Variants in COL4A6 observed in about 807,000 individuals in gnomAD.
The protein encoded by COL4A6 is collagen alpha-6(IV) chain.
Under a neutral mutation model 126.7 loss-of-function variants are expected in COL4A6, and 59 were observed. That is an observed-to-expected ratio of 0.47 (90% CI 0.38 to 0.58). COL4A6 has a LOEUF of 0.58. Ranked by LOEUF, COL4A6 falls within the 20% of genes least tolerant of loss-of-function variation. The pLI is 0.00. For missense variants in COL4A6, 1,285 were observed against 1,337.3 expected (o/e 0.96, Z 0.61); for synonymous variants, 547 against 496.6 (o/e 1.10, Z -1.35).
At position 108,174,571 on chromosome X, in the gene COL4A6, G is replaced by A. The variant is rs769940629; in HGVS notation, c.3007C>T (p.Pro1003Ser). The change falls in exon 31 of 45, where the codon CCT becomes TCT. Residue 1003 changes from proline to serine, a missense_variant. By Grantham distance (74) the Pro-to-Ser change is moderately conservative (BLOSUM62 -1). Transcript: ENST00000334504. ...CCTTTGATAATGCCTGGGAGGCCAG[G>A]AGCTCCAGGTAGGCCTGGTGGTCCA... is the stretch of plus-strand genomic sequence containing the variant. ...RPGPPGLPGA[P>S]GLPGIIKGVS... 2.5e-6 allele frequency: 3 copies of A among 1,204,756 alleles called. No homozygotes were observed. In the Admixed American group the frequency reaches 6.7e-5, roughly 27 times the overall value.
At chrX:108,383,408 T>C (rs550085822) in intron 2 of COL4A6, 1 of 487,883 alleles carries the variant, frequency 2.0e-6, no homozygotes, top group East Asian at 4.1e-5. Flanking sequence ...TCAAGCAGCA[T>C]CCTCAACCCT....
In COL4A6 at chrX:108,162,987, A is replaced by T. The variant is rs754772713; in HGVS notation, c.4121T>A (p.Val1374Asp). 1 of 1,201,379 alleles carries T rather than the reference A, an allele frequency of 8.3e-7. No individual in the cohort carries two copies. Among genetic ancestry groups the T allele is most frequent in the Non-Finnish European group, 1.1e-6 (1 of 891,350 alleles). The change falls in exon 41 of 45, where the codon GTC becomes GAC. Residue 1374 changes from valine (V) to aspartate (D), a missense_variant. By Grantham distance (152) the Val-to-Asp change is radical (BLOSUM62 -3). Transcript: ENST00000334504. ...DPGQTPTAEA[V>D]QVPPGPLGLP... The stretch of plus-strand genomic sequence containing the variant: ...ACCCAAGGGTCCAGGAGGAACCTGG[A>T]CAGCTTCTGCAGTTGGTGTTTGTCC...
intron 3 of COL4A6, among the ~76,000 whole-genome samples, chrX:108,297,402 G>A (rs780212051): frequency 1.8e-5 from 2 of 110,994 alleles, no homozygotes; most frequent in Admixed American, 1.9e-4. Context: ...TGACATGTTG[G>A]GCTGGATAAT....
chrX:108,172,365 G>GAA (rs397935341), intron 32 of COL4A6, 104 bp downstream of exon 32: 4,363 of 105,701 alleles, frequency 0.041, 19 homozygotes, highest in Middle Eastern at 0.05. Flanking sequence ...GCCTAAAAAA[G>GAA]AAAAAAAAAA....
chrX:108,280,471 A>G (rs1430418778), intron 3 of COL4A6, among the ~76,000 whole-genome samples: 9 of 112,094 alleles, frequency 8.0e-5, no homozygotes, highest in Non-Finnish European at 1.1e-4. Context: ...GAATAGACCA[A>G]TAACAGGCTC....
chrX:108,291,840 T>C (rs2038169647), intron 3 of COL4A6, among the ~76,000 whole-genome samples: 1 of 111,993 alleles, frequency 8.9e-6, no homozygotes, highest in Non-Finnish European at 1.9e-5. Context: ...TTAGATTACC[T>C]TGGAGAGCAC....
intron 2 of COL4A6, among the ~76,000 whole-genome samples, chrX:108,426,913 CA>C (rs749250726): frequency 1.4e-4 from 16 of 111,765 alleles, no homozygotes; most frequent in South Asian, 1.1e-3. Context: ...GAGAAAAAAT[CA>C]GGAAATGGAC....
intron 2 of COL4A6, among the ~76,000 whole-genome samples, chrX:108,385,168 C>T (rs754652412): frequency 2.8e-5 from 3 of 108,968 alleles, no homozygotes; most frequent in Non-Finnish European, 3.8e-5. Flanking sequence ...AGTTTTCCAA[C>T]TAAGTTTTGC....
Position 108,164,660 on chromosome X carries a change from T to G in COL4A6, c.4009A>C (p.Lys1337Gln). 2 of 1,211,591 alleles carry G rather than the reference T, an allele frequency of 1.7e-6. No homozygotes were observed. The highest frequency in any genetic ancestry group is 2.2e-6 in the Non-Finnish European group (2 of 895,440). The change falls in exon 40 of 45, where the codon AAG becomes CAG. Residue 1337 changes from lysine to glutamine, a missense_variant. Transcript: ENST00000334504. ...CCTGGGTCTCCAGGTGGCCCAACCT[T>G]GCCTGGAGTCCCCATGAAGCCAGGC... ...GEPGFMGTPG[K>Q]VGPPGDPGFP...
At chrX:108,229,248 G>C (rs2036245480) in intron 3 of COL4A6, among the ~76,000 whole-genome samples, 3 of 111,915 alleles carry the variant, frequency 2.7e-5, no homozygotes, top group Non-Finnish European at 5.6e-5. Flanking sequence ...AAGTGTACAG[G>C]GTTCAGAGTT....
At chrX:108,185,985 G>A (rs1205736536) in intron 23 of COL4A6, among the ~76,000 whole-genome samples, 3 of 111,902 alleles carry the variant, frequency 2.7e-5, no homozygotes, top group Non-Finnish European at 5.6e-5. Flanking sequence ...TATTGTGTTT[G>A]GGTATAGTGA....
chrX:108,351,436 C>CTG lies in COL4A6; in HGVS notation c.64-40609_64-40608insCA, dbSNP rs1336858729. On this transcript the variant is annotated intron_variant, in intron 2 of 44. Coordinates refer to ENST00000334504, the MANE Select transcript of COL4A6 (RefSeq NM_033641.4). ...CAGTATTAAAAAAGGAGGTAACTCT[C>CTG]TCTCTCTGTGTGTGTGTGTGTGTGT... is the stretch of plus-strand genomic sequence containing the variant. Among the ~76,000 whole-genome samples the CTG allele has an allele frequency of 3.3e-3, 275 of 82,247 alleles. 1 individual carries two copies. Among genetic ancestry groups the CTG allele is most frequent in the East Asian group, 0.022 (32 of 1,480 alleles). The allele number at this position is 82,247 out of a possible 115,157, so 71.4% of individuals were successfully genotyped here. A position where few individuals can be genotyped will look rare whatever the true frequency, so the allele number is the denominator to read the frequency against.
At chrX:108,278,336 A>G in intron 3 of COL4A6, among the ~76,000 whole-genome samples, 1 of 112,519 alleles carries the variant, frequency 8.9e-6, no homozygotes, top group Non-Finnish European at 1.9e-5. Context: ...CAAGAACTAC[A>G]TGAAGAGTGC....
At chrX:108,294,526 A>G (rs752610528) in intron 3 of COL4A6, among the ~76,000 whole-genome samples, 12 of 109,681 alleles carry the variant, frequency 1.1e-4, no homozygotes, top group South Asian at 4.0e-4. Flanking sequence ...AAGAAGTAGA[A>G]GAGCAAAACA....
chrX:108,251,192 T>C (rs2036843726), intron 3 of COL4A6, among the ~76,000 whole-genome samples: 1 of 111,503 alleles, frequency 9.0e-6, no homozygotes, highest in South Asian at 3.8e-4. Context: ...AAGATTTAGA[T>C]ATAGATGGGA....
chrX:108,235,636 TG>T (rs1225732430), intron 3 of COL4A6, among the ~76,000 whole-genome samples: 1 of 111,495 alleles, frequency 9.0e-6, no homozygotes, highest in Non-Finnish European at 1.9e-5. Flanking sequence ...ACTCATGTTT[TG>T]TCAGGGTTCT....
At chrX:108,191,636 G>A in intron 18 of COL4A6, 103 bp from the exon 19 acceptor site, 1 of 984,235 alleles carries the variant, frequency 1.0e-6, no homozygotes, top group Non-Finnish European at 1.4e-6. Flanking sequence ...GAAGAATTTA[G>A]GGAAGCATTT....
At chrX:108,159,395 G>A in intron 44 of COL4A6, 67 bp downstream of exon 44, 1 of 1,133,739 alleles carries the variant, frequency 8.8e-7, no homozygotes, top group Non-Finnish European at 1.2e-6. Context: ...GGTGTCCCTT[G>A]AGCCTGGGAA....
intron 32 of COL4A6, among the ~76,000 whole-genome samples, chrX:108,172,028 T>C (rs2034319426): frequency 9.0e-6 from 1 of 111,710 alleles, no homozygotes; most frequent in Non-Finnish European, 1.9e-5. Flanking sequence ...GACTTTCCCC[T>C]AAACACAGAC....
Sources: gnomAD v4.1 joint callset for allele counts (sites outside exome capture counted in the v4.1 genomes callset) on GRCh38, gnomAD v4.1.1 for gene constraint, MANE v1.5 for transcripts, NCBI Gene and HGNC (gene_info 2026-07-23, HGNC 2026-07-21) for gene names.